Variants in GOLM1 observed in about 807,000 individuals in gnomAD.
GOLM1 encodes epididymis luminal protein 46.
In GOLM1, 31 loss-of-function variants were observed where a neutral mutation model predicts 50.5. That is an observed-to-expected ratio of 0.61 (90% CI 0.46 to 0.83). The LOEUF (loss-of-function observed/expected upper bound fraction) is 0.83. GOLM1 is among the 40% of genes least tolerant of loss of function. The pLI is 0.00. For missense variants in GOLM1, 491 were observed against 501.3 expected (o/e 0.98, Z 0.20); for synonymous variants, 178 against 192.8 (o/e 0.92, Z 0.64).
At position 86,027,431 on chromosome 9, in the gene GOLM1, AGTT is replaced by A. The variant is rs1203716878; in HGVS notation, c.*383_*385del. Reference sequence around the variant, plus strand: ...ACGTGGACAGGACGACGGAACCCAGAGTTCTCTGTCTCTCCTTCACAGCAGATG... The same window carrying A: ...ACGTGGACAGGACGACGGAACCCAGACTCTGTCTCTCCTTCACAGCAGATG... On this transcript the variant is annotated 3_prime_UTR_variant, in exon 10 of 10. Transcript: ENST00000388712. The A allele has an allele frequency of 1.5e-5, 15 of 1,019,940 alleles. No individual in the cohort carries two copies. Among genetic ancestry groups the A allele is most frequent in the Non-Finnish European group, 1.6e-5 (14 of 852,576 alleles). 63.2% of individuals were successfully genotyped at this position (1,019,940 alleles called of 1,614,324 possible). A position where few individuals can be genotyped will look rare whatever the true frequency, so the allele number is the denominator to read the frequency against.
chr9:86,048,720 T>G (rs1396046952), intron 4 of GOLM1, among the ~76,000 whole-genome samples: 1 of 152,062 alleles, frequency 6.6e-6, no homozygotes, highest in African/African-American at 2.4e-5. Flanking sequence ...TTTGATGGGG[T>G]TGTTTGATTT....
intron 3 of GOLM1, among the ~76,000 whole-genome samples, chr9:86,076,764 C>T (rs1468401356): frequency 1.3e-5 from 2 of 151,310 alleles, no homozygotes; most frequent in African/African-American, 2.4e-5. Context: ...ACTCAGGAGG[C>T]TGAGGCAGGA....
At chr9:86,043,941 CATT>C (rs1833448729) in intron 5 of GOLM1, among the ~76,000 whole-genome samples, 1 of 152,160 alleles carries the variant, frequency 6.6e-6, no homozygotes, top group African/African-American at 2.4e-5. Context: ...GAAATATTTG[CATT>C]AAGGTTTCTT....
In GOLM1 at chr9:86,027,759, T is replaced by C; in HGVS notation, c.*58A>G. On this transcript the variant is annotated 3_prime_UTR_variant, in exon 10 of 10. Coordinates refer to ENST00000388712, the MANE Select transcript of GOLM1 (RefSeq NM_016548.4). ...ACAGTTTTCAGTATTCAGTCCCTCA[T>C]GAACATTTTATAGTCATCTCTTCGG... is the stretch of plus-strand genomic sequence containing the variant. The C allele has an allele frequency of 1.9e-6, 3 of 1,583,420 alleles. No individual in the cohort carries two copies. Among genetic ancestry groups the C allele is most frequent in the East Asian group, 2.3e-5 (1 of 44,322 alleles).
intron 6 of GOLM1, among the ~76,000 whole-genome samples, chr9:86,037,062 T>TA (rs1833169633): frequency 6.6e-6 from 1 of 152,222 alleles, no homozygotes; most frequent in South Asian, 2.1e-4. Context: ...ATTTGGAAAT[T>TA]AAACAACACA....
chr9:86,063,315 A>C (rs1303716605), intron 3 of GOLM1, among the ~76,000 whole-genome samples: 1 of 152,162 alleles, frequency 6.6e-6, no homozygotes, highest in Non-Finnish European at 1.5e-5. Flanking sequence ...CTCAATGGGC[A>C]CCCCAGGGCT....
At chr9:86,066,864 CTGG>C (rs1834322267) in intron 3 of GOLM1, among the ~76,000 whole-genome samples, 1 of 152,172 alleles carries the variant, frequency 6.6e-6, no homozygotes. Context: ...GTGGCCACTA[CTGG>C]CCACTGAACA....
chr9:86,051,738 C>G (rs1017156851), intron 4 of GOLM1, among the ~76,000 whole-genome samples: 2 of 151,880 alleles, frequency 1.3e-5, no homozygotes, highest in Non-Finnish European at 2.9e-5. Context: ...TGTGAGACCC[C>G]CCAACTCCCA....
intron 3 of GOLM1, among the ~76,000 whole-genome samples, chr9:86,053,539 C>CACCACCACTT (rs1833856543): frequency 0.014 from 18 of 1,316 alleles, no homozygotes; most frequent in Non-Finnish European, 0.024. Flanking sequence ...CCACACCAAA[C>CACCACCACTT]CACACCAAAC....
In GOLM1 at chr9:86,085,675, CCT is replaced by C. The variant is rs1216972215; in HGVS notation, c.-21-6336_-21-6335del. Among the ~76,000 whole-genome samples, 3 of 152,036 alleles carry C rather than the reference CCT, an allele frequency of 2.0e-5. No homozygotes were observed. The East Asian group carries it at 5.8e-4, about 29-fold the overall frequency. ...GGCCCTGGTGTGTGATGTTTCCCTC[CCT>C]GTGTCCATGTTTTCTCATTGTTCAG... On this transcript the variant is annotated intron_variant, in intron 1 of 9. Coordinates refer to ENST00000388712, the MANE Select transcript of GOLM1 (RefSeq NM_016548.4).
intron 3 of GOLM1, among the ~76,000 whole-genome samples, chr9:86,065,632 C>T (rs1168861384): frequency 2.0e-5 from 3 of 152,296 alleles, no homozygotes; most frequent in South Asian, 2.1e-4. Context: ...AGCCCCACGC[C>T]GGCCACTCTC....
At chr9:86,077,190 C>T (rs1176574200) in intron 3 of GOLM1, among the ~76,000 whole-genome samples, 1 of 152,128 alleles carries the variant, frequency 6.6e-6, no homozygotes, top group Non-Finnish European at 1.5e-5. Context: ...TGTTCTTCTG[C>T]ATTTCTCCTG....
chr9:86,035,668 A>G, intron 7 of GOLM1, 43 bp from the exon 8 acceptor site: 2 of 784,094 alleles, frequency 2.6e-6, no homozygotes, highest in Non-Finnish European at 3.8e-6. Context: ...CCAGCATTTG[A>G]TTTAAAAAAA....
chr9:86,099,353 A>C (rs1355390456), intron 1 of GOLM1, 58 bp downstream of exon 1: 1 of 151,196 alleles, frequency 6.6e-6, no homozygotes, highest in East Asian at 2.0e-4. Flanking sequence ...TGGGCAAAGG[A>C]GGGAGGAAGC....
chr9:86,070,628 T>C (rs1260318292), intron 3 of GOLM1, among the ~76,000 whole-genome samples: 1 of 151,962 alleles, frequency 6.6e-6, no homozygotes, highest in Admixed American at 6.6e-5. Context: ...GAATCTCATC[T>C]TCCTCCAAAA....
intron 1 of GOLM1, among the ~76,000 whole-genome samples, chr9:86,081,432 G>A (rs561216912): frequency 1.6e-4 from 24 of 152,050 alleles, no homozygotes; most frequent in Non-Finnish European, 3.1e-4. Flanking sequence ...CCAACCTCAG[G>A]TGATCCGTCT....
intron 1 of GOLM1, among the ~76,000 whole-genome samples, chr9:86,090,607 C>T (rs1035648568): frequency 2.0e-5 from 3 of 152,094 alleles, no homozygotes; most frequent in African/African-American, 2.4e-5. Flanking sequence ...TCGAGCATCC[C>T]GGGGCAACTT....
intron 1 of GOLM1, among the ~76,000 whole-genome samples, chr9:86,097,264 C>T (rs1045257684): frequency 1.3e-5 from 2 of 152,156 alleles, no homozygotes; most frequent in African/African-American, 2.4e-5. Context: ...AAATATCATT[C>T]GCCCTTTTCT....
chr9:86,077,327 T>G (rs1834648569), intron 3 of GOLM1, 85 bp downstream of exon 3: 2 of 1,092,856 alleles, frequency 1.8e-6, no homozygotes, highest in Non-Finnish European at 1.4e-6. Flanking sequence ...ACCCAGCCGC[T>G]TGCTCATCCT....
Sources: allele counts gnomAD v4.1 joint callset (sites outside exome capture counted in the v4.1 genomes callset), GRCh38; gene constraint gnomAD v4.1.1; transcripts MANE v1.5; gene names NCBI Gene and HGNC (gene_info 2026-07-23, HGNC 2026-07-21).